Variants in ZNF217 observed in about 807,000 individuals in gnomAD.
ZNF217 encodes the protein zinc finger protein 217.
A neutral mutation model predicts 73.3 loss-of-function variants in ZNF217; 12 were observed. That is an observed-to-expected ratio of 0.16 (90% CI 0.10 to 0.27). The LOEUF is 0.27. Ranked by LOEUF, ZNF217 falls within the 10% of genes least tolerant of loss-of-function variation. The pLI is 1.00. For synonymous variants in ZNF217, 588 were observed against 516.4 expected (o/e 1.14, Z -1.88); for missense variants, 1,195 against 1,327.8 (o/e 0.90, Z 1.55).
At chr20:53,594,263 A>G (rs1214651308), upstream of ZNF217, among the ~76,000 whole-genome samples, 1 of 151,324 alleles carries the variant, frequency 6.6e-6, no homozygotes, top group Non-Finnish European at 1.5e-5. Context: ...TTGGGTCAGA[A>G]AGTGTTCAGG....
chr20:53,572,142 T>C (rs1001119348), intron 4 of ZNF217, among the ~76,000 whole-genome samples: 1 of 152,218 alleles, frequency 6.6e-6, no homozygotes, highest in Non-Finnish European at 1.5e-5. Context: ...CGTATATGCA[T>C]CATGAACCAA....
At chr20:53,588,873 G>C (rs533416058) in intron 1 of ZNF217, among the ~76,000 whole-genome samples, 1 of 152,056 alleles carries the variant, frequency 6.6e-6, no homozygotes, top group Non-Finnish European at 1.5e-5. Context: ...CAAAATCAAG[G>C]GGAAAAGTCT....
At chr20:53,584,421 T>C (rs540377041) in intron 1 of ZNF217, among the ~76,000 whole-genome samples, 1 of 152,382 alleles carries the variant, frequency 6.6e-6, no homozygotes, top group South Asian at 2.1e-4. Context: ...ATACTCCTTG[T>C]TATCTTTAGT....
At chr20:53,574,857 C>T (rs950515306) in intron 4 of ZNF217, 1 of 150,368 alleles carries the variant, frequency 6.7e-6, no homozygotes, top group Non-Finnish European at 1.5e-5. Flanking sequence ...TGGATTGGCA[C>T]TGACTACTGA....
At chr20:53,584,521 T>C (rs35460523) in intron 1 of ZNF217, among the ~76,000 whole-genome samples, 2 of 152,222 alleles carry the variant, frequency 1.3e-5, no homozygotes, top group East Asian at 1.9e-4. Context: ...CCTGAAGTCT[T>C]TTCTTTGTTG....
chr20:53,584,044 C>T (rs939393580), intron 1 of ZNF217, among the ~76,000 whole-genome samples: 2 of 152,200 alleles, frequency 1.3e-5, no homozygotes, highest in Non-Finnish European at 2.9e-5. Flanking sequence ...TTTTTTTAAT[C>T]TACCTTTCAC....
intron 5 of ZNF217, 119 bp downstream of exon 5, chr20:53,571,602 T>C (rs1988007814): frequency 7.8e-7 from 1 of 1,283,462 alleles, no homozygotes; most frequent in Non-Finnish European, 1.0e-6. Context: ...GACAGGGGTT[T>C]CACCATGTTG....
Position 53,576,876 on chromosome 20 carries a change from A to C in ZNF217, c.1888T>G (p.Ser630Ala). The C allele has an allele frequency of 6.2e-7, 1 of 1,614,094 alleles. No individual in the cohort carries two copies. Among genetic ancestry groups the C allele is most frequent in the Middle Eastern group, 1.6e-4 (1 of 6,062 alleles). The change falls in exon 4 of 6, where the codon TCA becomes GCA. Residue 630 changes from serine (S) to alanine (A), a missense_variant. This residue lies in a region of ZNF217 where 649 missense variants were observed against 642.8 expected (regional missense o/e 1.01). Transcript: ENST00000371471. ...PAYLDLLKKR[S>A]AVETQANNLI... Reference sequence around the variant, plus strand: ...TTATTTGCCTGAGTTTCAACTGCTGATCTCTTTTTTAACAGGTCCAGGTAA... The same window carrying C: ...TTATTTGCCTGAGTTTCAACTGCTGCTCTCTTTTTTAACAGGTCCAGGTAA...
At chr20:53,578,311 T>C (rs765014997) in intron 3 of ZNF217, 23 bp downstream of exon 3, 1 of 1,497,264 alleles carries the variant, frequency 6.7e-7, no homozygotes, top group Admixed American at 2.2e-5. Context: ...TAATGCATGG[T>C]TAAAAAAATA....
At chr20:53,587,379 A>G (rs1177220032) in intron 1 of ZNF217, among the ~76,000 whole-genome samples, 1 of 152,224 alleles carries the variant, frequency 6.6e-6, no homozygotes, top group Non-Finnish European at 1.5e-5. Flanking sequence ...GTGCTTAAGT[A>G]CAACTAACTA....
chr20:53,579,711 A>G (rs915373617), intron 2 of ZNF217, among the ~76,000 whole-genome samples: 26 of 152,328 alleles, frequency 1.7e-4, no homozygotes, highest in Middle Eastern at 3.4e-3. Context: ...CTGACTTTAC[A>G]GTTATATTTT....
rs889887556 is a variant in ZNF217 at position 53,588,830 on chromosome 20, A to G, written c.-343+4926T>C. ...TTTGCTGACTACATACTAAAGTTGT[A>G]TATCTGGCTCTTTCCAGTCACCTGT... On this transcript the variant is annotated intron_variant, in intron 1 of 5. Transcript: ENST00000371471. Among the ~76,000 whole-genome samples, 7 of 152,326 alleles carry G rather than the reference A, an allele frequency of 4.6e-5. No homozygotes were observed. In the East Asian group the frequency reaches 9.6e-4, roughly 21 times the overall value.
Position 53,576,825 on chromosome 20 carries a change from C to T in ZNF217, c.1939G>A (p.Val647Ile). 1.4e-5 allele frequency: 23 copies of T among 1,614,220 alleles called. No homozygotes were observed. Among genetic ancestry groups the T allele is most frequent in the Non-Finnish European group, 1.9e-5 (22 of 1,180,034 alleles). ...GTACTGCCATCCGGAGGAGGAGTAA[C>T]ATCCGCCTTGGTTCTACAGATGAGG... Reference protein sequence around the residue: ...NNLICRTKADVTPPPDGSTTH... With the variant: ...NNLICRTKADITPPPDGSTTH... Residue 647 changes from valine to isoleucine, a missense_variant, in exon 4 of 6, where the codon GTT becomes ATT. Val to Ile is a conservative substitution (Grantham distance 29). This residue lies in a region of ZNF217 where 649 missense variants were observed against 642.8 expected (regional missense o/e 1.01). Transcript: ENST00000371471.
At chr20:53,586,222 T>C (rs370470210) in intron 1 of ZNF217, among the ~76,000 whole-genome samples, 87 of 152,278 alleles carry the variant, frequency 5.7e-4, no homozygotes, top group African/African-American at 2.0e-3. Flanking sequence ...ACTCGACACA[T>C]AGCTGGTGAA....
intron 4 of ZNF217, among the ~76,000 whole-genome samples, chr20:53,572,227 G>A (rs561226374): frequency 6.6e-6 from 1 of 152,256 alleles, no homozygotes; most frequent in East Asian, 1.9e-4. Flanking sequence ...GCAACATGGT[G>A]AGACCTCTTC....
chr20:53,594,177 G>A (rs976816968), upstream of ZNF217, among the ~76,000 whole-genome samples: 8 of 151,058 alleles, frequency 5.3e-5, no homozygotes, highest in Non-Finnish European at 1.2e-4. Flanking sequence ...CCCCCTACTC[G>A]TCCGCGCGGG....
rs372777442 is a variant in ZNF217 at position 53,582,081 on chromosome 20, G to A, written c.746C>T (p.Ala249Val). 4.2e-5 allele frequency: 67 copies of A among 1,614,084 alleles called. No individual in the cohort carries two copies. The highest frequency in any genetic ancestry group is 5.2e-5 in the Non-Finnish European group (61 of 1,180,046). Residue 249 changes from alanine (A) to valine (V), a missense_variant, in exon 2 of 6, where the codon GCG (alanine) becomes GTG (valine). Around this residue, in one of 9 missense-constraint regions of ZNF217, gnomAD observed 126 missense variants for 114.4 expected, o/e 1.10. Coordinates refer to ENST00000371471, the MANE Select transcript of ZNF217 (RefSeq NM_006526.3). This position sits in a 1 kb window ranked among gnomAD's most constrained non-coding sequence, Gnocchi z 4.8. Reference protein sequence around the residue: ...TKKTAFGTSSAQTDSPQGGMP... With the variant: ...TKKTAFGTSSVQTDSPQGGMP... The stretch of plus-strand genomic sequence containing the variant: ...TCCTCCTTGTGGAGAGTCTGTCTGC[G>A]CGCTGCTGGTACCGAAAGCAGTTTT...
Position 53,577,079 on chromosome 20 carries a change from T to C in ZNF217, c.1685A>G (p.Asp562Gly). Reference protein sequence around the residue: ...AQTKNLKRFFDGAKDVTGSPP... With the variant: ...AQTKNLKRFFGGAKDVTGSPP... ...ACTGCCTGTAACATCTTTGGCACCA[T>C]CAAAAAATCTTTTCAAATTTTTGGT... The change falls in exon 4 of 6, where the codon GAT becomes GGT. Residue 562 changes from aspartate to glycine, a missense_variant. By Grantham distance (94) the Asp-to-Gly change is moderately conservative (BLOSUM62 -1). Transcript: ENST00000371471. 1 of 1,614,228 alleles carries C rather than the reference T, an allele frequency of 6.2e-7. No individual in the cohort carries two copies. The highest frequency in any genetic ancestry group is 8.5e-7 in the Non-Finnish European group (1 of 1,180,040).
chr20:53,590,210 C>T (rs1366317131), intron 1 of ZNF217, among the ~76,000 whole-genome samples: 1 of 152,098 alleles, frequency 6.6e-6, no homozygotes, highest in East Asian at 1.9e-4. Flanking sequence ...GTTTTTCATT[C>T]CTACTTTCTA....
Sources: allele counts gnomAD v4.1 joint callset (sites outside exome capture counted in the v4.1 genomes callset), GRCh38; gene constraint gnomAD v4.1.1; regional missense constraint gnomAD v4.1.1; non-coding constraint Gnocchi (gnomAD v3.1); transcripts MANE v1.5; gene names NCBI Gene and HGNC (gene_info 2026-07-23, HGNC 2026-07-21).